Variants in RBFOX1 observed in about 807,000 individuals in gnomAD.
RBFOX1 encodes RNA binding protein fox-1 homolog 1.
In RBFOX1, 8 loss-of-function variants were observed where a neutral mutation model predicts 57.7. The ratio of observed to expected loss-of-function variants is 0.14; its 90% CI spans 0.08 to 0.25. The LOEUF (loss-of-function observed/expected upper bound fraction) is 0.25. Among genes scored for constraint, RBFOX1 ranks in the 10% least tolerant of loss-of-function variants. RBFOX1 has a pLI of 1.00. For missense variants in RBFOX1, 611 were observed against 548.5 expected, an observed-to-expected ratio of 1.11 and a Z score of -1.14; for synonymous variants, 326 against 222.4, an observed-to-expected ratio of 1.47 and a Z score of -4.15.
intron 2 of RBFOX1, among the ~76,000 whole-genome samples, chr16:6,449,342 G>T (rs1312509964): frequency 1.3e-5 from 2 of 152,180 alleles, no homozygotes; most frequent in Admixed American, 6.5e-5. Flanking sequence ...TGTTTCAAAG[G>T]TCTGAAATGT....
chr16:6,866,672 G>C (rs894884881), intron 3 of RBFOX1, among the ~76,000 whole-genome samples: 4 of 149,996 alleles, frequency 2.7e-5, no homozygotes, highest in African/African-American at 9.8e-5. Flanking sequence ...CTTCCGAGTA[G>C]CTGGGACTAC....
chr16:6,124,647 C>G (rs539535549), intron 1 of RBFOX1, among the ~76,000 whole-genome samples: 1 of 152,186 alleles, frequency 6.6e-6, no homozygotes, highest in East Asian at 1.9e-4. Flanking sequence ...GGATTACAGG[C>G]ATGCACCAGC....
At chr16:5,638,144 T>C (rs758456) in intron 3 of RBFOX1, among the ~76,000 whole-genome samples, 134,237 of 152,228 alleles carry the variant, frequency 0.88, 59,608 homozygotes, top group African/African-American at 0.92. Context: ...ATTTTACATA[T>C]GTGATTATTG....
intron 4 of RBFOX1, chr16:7,510,338 A>C: frequency 1.0e-6 from 1 of 985,550 alleles, no homozygotes; most frequent in Non-Finnish European, 1.2e-6. Context: ...TTTCCATTTA[A>C]TCTTTCACTC....
chr16:6,373,629 G>T (rs1003626491), intron 2 of RBFOX1, among the ~76,000 whole-genome samples: 1 of 152,126 alleles, frequency 6.6e-6, no homozygotes, highest in African/African-American at 2.4e-5. Flanking sequence ...CTTTGAGTAG[G>T]AGGATGATTG....
At chr16:7,692,550 C>G (rs914066558) in intron 14 of RBFOX1, among the ~76,000 whole-genome samples, 2 of 152,200 alleles carry the variant, frequency 1.3e-5, no homozygotes, top group South Asian at 4.1e-4. Flanking sequence ...GAGGCATTTA[C>G]GAACCTAGCC....
At chr16:6,635,512 A>G (rs1004815274) in intron 2 of RBFOX1, among the ~76,000 whole-genome samples, 1 of 152,146 alleles carries the variant, frequency 6.6e-6, no homozygotes, top group Non-Finnish European at 1.5e-5. Flanking sequence ...ACAGAGGGAA[A>G]GTGATTCAGC....
At chr16:7,663,099 G>T (rs1339399828) in intron 12 of RBFOX1, among the ~76,000 whole-genome samples, 1 of 152,248 alleles carries the variant, frequency 6.6e-6, no homozygotes, top group Admixed American at 6.5e-5. Context: ...TAAGTGATCA[G>T]TCCTGTGGTT....
At chr16:5,528,896 T>C (rs28473070) in intron 2 of RBFOX1, among the ~76,000 whole-genome samples, 6,670 of 152,186 alleles carry the variant, frequency 0.044, 499 homozygotes, top group African/African-American at 0.15. Context: ...GTGATCCATC[T>C]GCTTCGGCCT....
At chr16:6,679,620 A>C (rs1422551452) in intron 3 of RBFOX1, among the ~76,000 whole-genome samples, 3 of 152,168 alleles carry the variant, frequency 2.0e-5, no homozygotes, top group African/African-American at 4.8e-5. Context: ...GAAAGGGTCT[A>C]ACATTTTTTT....
rs989704031 is a variant in RBFOX1, at chr16:7,342,338, A to G, written c.28-175809A>G. On this transcript the variant is annotated intron_variant, in intron 4 of 15. Coordinates refer to ENST00000550418, the MANE Select transcript of RBFOX1 (RefSeq NM_018723.4). ...TTCCAACTCAGATCTTCCCACTCAG[A>G]CGCATCTGAGTTGGCATCCTGGCTC... Among the ~76,000 whole-genome samples the G allele has an allele frequency of 3.9e-5, 6 of 152,148 alleles. 1 individual carries two copies. In the South Asian group the frequency reaches 6.2e-4, roughly 16 times the overall value.
intron 4 of RBFOX1, among the ~76,000 whole-genome samples, chr16:7,417,197 C>T (rs1369845498): frequency 2.6e-5 from 4 of 151,740 alleles, no homozygotes; most frequent in Non-Finnish European, 4.4e-5. Context: ...TGGTGAAACC[C>T]CATCTCTACT....
chr16:7,632,234 T>C (rs1296085513), intron 11 of RBFOX1, among the ~76,000 whole-genome samples: 1 of 152,176 alleles, frequency 6.6e-6, no homozygotes, highest in Non-Finnish European at 1.5e-5. Context: ...AATGGCAATT[T>C]TGGCATTAAT....
chr16:5,499,716 G>C (rs1433506600), intron 2 of RBFOX1, among the ~76,000 whole-genome samples: 1 of 151,992 alleles, frequency 6.6e-6, no homozygotes, highest in Non-Finnish European at 1.5e-5. Context: ...GGGATTACAG[G>C]TGCCCACCAC....
intron 1 of RBFOX1, among the ~76,000 whole-genome samples, chr16:6,133,184 G>C (rs1242802878): frequency 1.3e-5 from 2 of 152,020 alleles, no homozygotes; most frequent in Non-Finnish European, 2.9e-5. Context: ...CTCTCTATAA[G>C]ACAGGCCATT....
chr16:7,258,096 T>G (rs2094769798), intron 4 of RBFOX1, among the ~76,000 whole-genome samples: 1 of 152,208 alleles, frequency 6.6e-6, no homozygotes, highest in Non-Finnish European at 1.5e-5. Flanking sequence ...ATTCTGTTCA[T>G]GAAAATGCCT....
chr16:5,919,589 A>G (rs1189931860), intron 4 of RBFOX1, among the ~76,000 whole-genome samples: 1 of 152,116 alleles, frequency 6.6e-6, no homozygotes, highest in Admixed American at 6.5e-5. Context: ...GGTGATCCGC[A>G]TGCCTCGGCC....
At chr16:6,255,807 C>T (rs762754093) in intron 1 of RBFOX1, among the ~76,000 whole-genome samples, 8 of 151,886 alleles carry the variant, frequency 5.3e-5, no homozygotes, top group East Asian at 1.9e-4. Context: ...AACGAAACAC[C>T]GCATGTTCTC....
chr16:7,185,618 C>A (rs1246570724), intron 4 of RBFOX1, among the ~76,000 whole-genome samples: 1 of 152,164 alleles, frequency 6.6e-6, no homozygotes, highest in South Asian at 2.1e-4. Flanking sequence ...AACATCTGGA[C>A]TAATATTTGT....
Sources: gnomAD v4.1 joint callset for allele counts (sites outside exome capture counted in the v4.1 genomes callset) on GRCh38, gnomAD v4.1.1 for gene constraint, MANE v1.5 for transcripts, NCBI Gene and HGNC (gene_info 2026-07-23, HGNC 2026-07-21) for gene names.